The following LRP2 variants were observed in gnomAD, a reference collection of about 807,000 sequenced individuals.
LRP2 encodes the protein low-density lipoprotein receptor-related protein 2.
In LRP2, 172 loss-of-function variants were observed where a neutral mutation model predicts 531.0. The observed-to-expected ratio is 0.32, with a 90% CI of 0.29 to 0.37. The LOEUF (loss-of-function observed/expected upper bound fraction) is 0.37. LRP2 is among the 10% of genes least tolerant of loss of function. The pLI is 1.00. For synonymous variants in LRP2, 1,992 were observed against 2,027.6 expected, an observed-to-expected ratio of 0.98 and a Z score of 0.47; for missense variants, 5,167 against 5,868.3, an observed-to-expected ratio of 0.88 and a Z score of 3.90.
At chr2:169,323,396 A>G (rs10930351) in intron 1 of LRP2, among the ~76,000 whole-genome samples, 7,631 of 152,264 alleles carry the variant, frequency 0.05, 225 homozygotes, top group Non-Finnish European at 0.06. Context: ...CACTGGCCTC[A>G]GAAGCTCATT....
intron 71 of LRP2, among the ~76,000 whole-genome samples, chr2:169,141,982 T>C (rs1226726446): frequency 6.6e-6 from 1 of 152,148 alleles, no homozygotes; most frequent in East Asian, 1.9e-4. Context: ...TGGTTAAGCG[T>C]TTTCCTTTCC....
At chr2:169,292,409 A>G (rs558166683) in intron 6 of LRP2, 40 bp from the exon 7 acceptor site, 2 of 1,291,622 alleles carry the variant, frequency 1.5e-6, no homozygotes, top group Non-Finnish European at 2.3e-6. Context: ...GACACAAATC[A>G]CCGGGAAAAA....
chr2:169,338,312 AAGAT>A (rs1322300483), intron 1 of LRP2, among the ~76,000 whole-genome samples: 5 of 150,116 alleles, frequency 3.3e-5, no homozygotes, highest in Admixed American at 6.6e-5. Flanking sequence ...GAAAGAAAGA[AAGAT>A]AGAATGTAAG....
At chr2:169,344,119 C>CT (rs1318708252) in intron 1 of LRP2, among the ~76,000 whole-genome samples, 7 of 152,044 alleles carry the variant, frequency 4.6e-5, no homozygotes, top group African/African-American at 1.4e-4. Context: ...ATATTTCTTT[C>CT]TTTTTTTATT....
chr2:169,198,974 A>G (rs973574598), intron 44 of LRP2, 63 bp from the exon 45 acceptor site: 4 of 1,551,640 alleles, frequency 2.6e-6, no homozygotes, highest in Non-Finnish European at 3.5e-6. Flanking sequence ...TATGAACAGT[A>G]TCCGTGCTAA....
At chr2:169,213,264 T>A (rs1396711187) in intron 36 of LRP2, among the ~76,000 whole-genome samples, 1 of 152,216 alleles carries the variant, frequency 6.6e-6, no homozygotes, top group African/African-American at 2.4e-5. Flanking sequence ...GCACCTTTTA[T>A]GTGCCAAGCA....
intron 53 of LRP2, among the ~76,000 whole-genome samples, chr2:169,177,489 C>T (rs1284853642): frequency 6.6e-6 from 1 of 151,732 alleles, no homozygotes; most frequent in African/African-American, 2.4e-5. Flanking sequence ...TCAGTCTTCC[C>T]ATAGAAATAG....
intron 58 of LRP2, among the ~76,000 whole-genome samples, chr2:169,170,922 T>G (rs896504489): frequency 3.1e-4 from 4 of 12,840 alleles, no homozygotes; most frequent in Non-Finnish European, 7.0e-4. Context: ...TCTCTCTCTG[T>G]TTTTTTTTTT....
chr2:169,162,744 C>T (rs1686636496), intron 62 of LRP2, 144 bp from the exon 63 acceptor site: 1 of 847,790 alleles, frequency 1.2e-6, no homozygotes, highest in Admixed American at 2.0e-5. Context: ...GGGTTAGGAC[C>T]ATGTGACCAG....
At chr2:169,327,441 G>A (rs1418417106) in intron 1 of LRP2, among the ~76,000 whole-genome samples, 1 of 126,972 alleles carries the variant, frequency 7.9e-6, no homozygotes, top group Non-Finnish European at 1.7e-5. Context: ...GGAGGTGGGG[G>A]GATCAGCACC....
At chr2:169,165,822 G>A in intron 62 of LRP2, 110 bp downstream of exon 62, 5 of 1,322,370 alleles carry the variant, frequency 3.8e-6, no homozygotes, top group Non-Finnish European at 4.3e-6. Context: ...GAGATCTGCA[G>A]TCATGGGCAC....
intron 68 of LRP2, among the ~76,000 whole-genome samples, chr2:169,149,384 T>A (rs1235310694): frequency 1.3e-5 from 2 of 152,228 alleles, no homozygotes; most frequent in African/African-American, 4.8e-5. Flanking sequence ...ATAAAACTTA[T>A]GGATGATGAG....
chr2:169,361,350 G>GTCTCTC (rs1216824209), intron 1 of LRP2, among the ~76,000 whole-genome samples: 8 of 21,966 alleles, frequency 3.6e-4, no homozygotes, highest in African/African-American at 1.5e-3. Flanking sequence ...GTCTCTCTCT[G>GTCTCTC]TCTCTCTCTC....
chr2:169,169,747 C>T lies in LRP2; in HGVS notation c.11452G>A (p.Asp3818Asn), dbSNP rs1686925519. Residue 3818 changes from aspartate (D) to asparagine (N), a missense_variant, in exon 60 of 79, where the codon GAT becomes AAT. Coordinates refer to ENST00000649046, the MANE Select transcript of LRP2 (RefSeq NM_004525.3). ...GCATCCAAACAGTCAGCGGATCCAT[C>T]GCATTTCAGTTCACTGTGTACACAA... ...GHCVHSELKC[D>N]GSADCLDASD... 2 of 1,614,030 alleles carry T rather than the reference C, an allele frequency of 1.2e-6. No individual in the cohort carries two copies. The highest frequency in any genetic ancestry group is 8.5e-7 in the Non-Finnish European group (1 of 1,180,016).
At chr2:169,286,435 C>T (rs923505290) in intron 9 of LRP2, among the ~76,000 whole-genome samples, 3 of 152,220 alleles carry the variant, frequency 2.0e-5, no homozygotes, top group African/African-American at 7.2e-5. Flanking sequence ...TTCTCTGATC[C>T]TGAAATTATC....
Position 169,204,114 on chromosome 2 carries a change from C to G in LRP2, c.7873G>C (p.Gly2625Arg), listed in dbSNP as rs769254915. Residue 2625 changes from glycine to arginine, a missense_variant, in exon 42 of 79, where the codon GGT becomes CGT. Physicochemically the swap from Gly to Arg is moderately radical, Grantham distance 125. This residue lies in a region of LRP2 where 1,129 missense variants were observed against 1,362.7 expected (regional missense o/e 0.83). Coordinates refer to ENST00000649046, the MANE Select transcript of LRP2 (RefSeq NM_004525.3). ...AAATTTGTGGTCATTGCAATCTGAC[C>G]TGACCCGTCATATTTGTTAGCTCGG... ...IYRANKYDGS[G>R]QIAMTTNLLS... is the part of the protein sequence containing the mutation. 3.7e-6 allele frequency: 6 copies of G among 1,614,028 alleles called. No homozygotes were observed. The Admixed American group carries it at 1.0e-4, about 27-fold the overall frequency.
At chr2:169,319,381 G>A (rs1243909212) in intron 2 of LRP2, among the ~76,000 whole-genome samples, 1 of 152,112 alleles carries the variant, frequency 6.6e-6, no homozygotes, top group African/African-American at 2.4e-5. Context: ...TCATAAAATG[G>A]GGACTATACT....
intron 18 of LRP2, 149 bp downstream of exon 18, chr2:169,256,975 T>C: frequency 1.1e-6 from 1 of 880,058 alleles, no homozygotes; most frequent in Non-Finnish European, 1.9e-6. Flanking sequence ...TCTTGTTCAA[T>C]ATCCTTCTCC....
chr2:169,236,328 A>C (rs1181893149), intron 28 of LRP2, among the ~76,000 whole-genome samples: 4 of 152,242 alleles, frequency 2.6e-5, no homozygotes. Context: ...ACATTATGAC[A>C]TTGAAATGTC....
Sources: allele counts gnomAD v4.1 joint callset (sites outside exome capture counted in the v4.1 genomes callset), GRCh38; gene constraint gnomAD v4.1.1; regional missense constraint gnomAD v4.1.1; transcripts MANE v1.5; gene names NCBI Gene and HGNC (gene_info 2026-07-23, HGNC 2026-07-21).